Variants in CHST15 observed in about 807,000 individuals in gnomAD.
CHST15 encodes the protein carbohydrate sulfotransferase 15, also known as B cell RAG associated protein (GALNAC4S-6ST).
Under a neutral mutation model 53.6 loss-of-function variants are expected in CHST15, and 30 were observed. The ratio of observed to expected loss-of-function variants is 0.56; its 90% CI spans 0.42 to 0.76. CHST15 has a LOEUF of 0.76. Among genes scored for constraint, CHST15 ranks in the 30% least tolerant of loss-of-function variants. The probability of loss-of-function intolerance (pLI) is 0.00; values close to 1 mark genes in which losing one functional copy is unlikely to be tolerated. For missense variants in CHST15, 627 were observed against 740.5 expected (o/e 0.85, Z 1.78); for synonymous variants, 296 against 289.8 (o/e 1.02, Z -0.22).
rs758243657 is a variant in CHST15 at position 124,045,112 on chromosome 10, C to CAAAAAAAAAAAAAAAAAAA, written c.547-212_547-194dup. On this transcript the variant is annotated intron_variant, in intron 2 of 7. Transcript: ENST00000435907. The stretch of plus-strand genomic sequence containing the variant: ...TGCTTTCCTCTCCCCCGCCGCCCCA[C>CAAAAAAAAAAAAAAAAAAA]AAAAAAAAAAAAAAAAAAAAAAAAA... 1.5e-3 allele frequency among the ~76,000 whole-genome samples: 52 copies of CAAAAAAAAAAAAAAAAAAA among 33,746 alleles called. 1 individual carries two copies. Among genetic ancestry groups the CAAAAAAAAAAAAAAAAAAA allele is most frequent in the East Asian group, 3.7e-3 (3 of 806 alleles). 22.1% of individuals were successfully genotyped at this position (33,746 alleles called of 152,430 possible).
chr10:124,017,691 G>A (rs1381985492), intron 6 of CHST15, among the ~76,000 whole-genome samples: 1 of 152,192 alleles, frequency 6.6e-6, no homozygotes, highest in Admixed American at 6.5e-5. Flanking sequence ...GGGAAGCTGG[G>A]TTAAAAGGCC....
chr10:124,031,337 A>G (rs980199369), intron 5 of CHST15, among the ~76,000 whole-genome samples: 4 of 152,212 alleles, frequency 2.6e-5, no homozygotes, highest in East Asian at 1.9e-4. Context: ...GCAGGGATAT[A>G]TATGTTCTGA....
At chr10:124,063,149 G>A (rs143186496) in intron 1 of CHST15, among the ~76,000 whole-genome samples, 21 of 152,296 alleles carry the variant, frequency 1.4e-4, no homozygotes, top group African/African-American at 3.8e-4. Flanking sequence ...TTAGGAGGCC[G>A]AGGCGGGTGG....
At chr10:124,034,624 A>AT (rs1664662898) in intron 5 of CHST15, among the ~76,000 whole-genome samples, 1 of 127,424 alleles carries the variant, frequency 7.8e-6, no homozygotes, top group Non-Finnish European at 1.6e-5. Context: ...CCCTGGCTTC[A>AT]CCCCTGATAG....
chr10:124,081,708 C>T (rs193223141), intron 1 of CHST15, among the ~76,000 whole-genome samples: 372 of 152,292 alleles, frequency 2.4e-3, no homozygotes, highest in African/African-American at 8.5e-3. Flanking sequence ...GAAACATAAA[C>T]GCTGGAAGGA....
chr10:124,074,055 T>A lies in CHST15; in HGVS notation c.-513+19414A>T, dbSNP rs1389071965. On this transcript the variant is annotated intron_variant, in intron 1 of 7. Coordinates refer to ENST00000435907, the MANE Select transcript of CHST15 (RefSeq NM_001270764.2). This position sits in a 1 kb window ranked among gnomAD's most constrained non-coding sequence, Gnocchi z 4.4. ...TCAAATGGGGGCTTTAAAAGAGATA[T>A]TTTCCACATAGTCTTTTTAGCCTCT... Among the ~76,000 whole-genome samples the A allele has an allele frequency of 6.6e-6, 1 of 152,104 alleles. No individual in the cohort carries two copies. Among genetic ancestry groups the A allele is most frequent in the Non-Finnish European group, 1.5e-5 (1 of 68,008 alleles).
chr10:124,009,752 T>G lies in CHST15; in HGVS notation c.*397A>C. 1 of 1,046,838 alleles carries G rather than the reference T, an allele frequency of 9.6e-7. No individual in the cohort carries two copies. The highest frequency in any genetic ancestry group is 1.7e-5 in the African/African-American group (1 of 58,292). 64.8% of individuals were successfully genotyped at this position (1,046,838 alleles called of 1,614,324 possible). A position where few individuals can be genotyped will look rare whatever the true frequency, so the allele number is the denominator to read the frequency against. The stretch of plus-strand genomic sequence containing the variant: ...GTGAAGTGTAAGTTCCAGCCAGGCC[T>G]GTGGCATGACCTCTGGCTTGCTGAC... On this transcript the variant is annotated 3_prime_UTR_variant, in exon 8 of 8. Coordinates refer to ENST00000435907, the MANE Select transcript of CHST15 (RefSeq NM_001270764.2).
Position 124,062,767 on chromosome 10 carries a change from G to A in CHST15, c.-512-16043C>T, listed in dbSNP as rs146791122. Among the ~76,000 whole-genome samples the A allele has an allele frequency of 1.4e-4, 21 of 152,290 alleles. 1 individual carries two copies. The highest frequency in any genetic ancestry group is 9.7e-4 in the East Asian group (5 of 5,166). Reference sequence around the variant, plus strand: ...CTTTTAAAAAGGATGAAGGGAGCCCGAGGCTCTGACAGTGAAGTGGCTGGC... The same window carrying A: ...CTTTTAAAAAGGATGAAGGGAGCCCAAGGCTCTGACAGTGAAGTGGCTGGC... On this transcript the variant is annotated intron_variant, in intron 1 of 7. Transcript: ENST00000435907.
intron 1 of CHST15, among the ~76,000 whole-genome samples, chr10:124,086,051 C>A (rs1032093405): frequency 6.6e-6 from 1 of 152,192 alleles, no homozygotes; most frequent in South Asian, 2.1e-4. Flanking sequence ...CAGGCCCAGG[C>A]TAGGAGTCAA....
Position 124,044,719 on chromosome 10 carries a change from G to A in CHST15, c.747C>T (p.Arg249=). Residue 249 remains arginine, a synonymous_variant, in exon 3 of 8, where the codon CGC becomes CGT. Transcript: ENST00000435907. ...HLAHAHGKHF[R]LRCLPHFYII... ...TGTAGAAGTGCGGCAGGCAGCGCAG[G>A]CGGAAGTGCTTCCCGTGCGCGTGCG... The A allele has an allele frequency of 6.2e-7, 1 of 1,613,796 alleles. No homozygotes were observed. The highest frequency in any genetic ancestry group is 8.5e-7 in the Non-Finnish European group (1 of 1,179,910).
chr10:124,070,544 G>C (rs1021658535), intron 1 of CHST15, among the ~76,000 whole-genome samples: 2 of 151,864 alleles, frequency 1.3e-5, no homozygotes, highest in Non-Finnish European at 2.9e-5. Context: ...ATGCTCAGCT[G>C]ATTTTTTTTT....
At chr10:124,033,393 A>T (rs1947301382) in intron 5 of CHST15, among the ~76,000 whole-genome samples, 1 of 152,230 alleles carries the variant, frequency 6.6e-6, no homozygotes, top group African/African-American at 2.4e-5. Context: ...TGCAAAGCCC[A>T]GGCCCCAGTT....
chr10:124,045,127 A>AAAAAAAAAC (rs1947933210), intron 2 of CHST15, among the ~76,000 whole-genome samples: 2 of 125,076 alleles, frequency 1.6e-5, no homozygotes, highest in African/African-American at 8.5e-5. Flanking sequence ...AAAAAAAAAA[A>AAAAAAAAAC]AAAAAAAAAA....
chr10:124,008,303 A>T lies in CHST15; in HGVS notation c.*1846T>A, dbSNP rs1160583110. The T allele has an allele frequency of 8.9e-7, 1 of 1,125,158 alleles. No individual in the cohort carries two copies. The highest frequency in any genetic ancestry group is 1.6e-5 in the African/African-American group (1 of 62,030). The allele number at this position is 1,125,158 out of a possible 1,614,324, so 69.7% of individuals were successfully genotyped here. The stretch of plus-strand genomic sequence containing the variant: ...GCGGAGGAGCCTCATTAGCAACTGA[A>T]CAGAACCCACTCAGAAGACGCACTC... On this transcript the variant is annotated 3_prime_UTR_variant, in exon 8 of 8. Transcript: ENST00000435907.
Position 124,019,489 on chromosome 10 carries a change from G to A in CHST15, c.1347+1767C>T, listed in dbSNP as rs773488251. 3.9e-4 allele frequency among the ~76,000 whole-genome samples: 60 copies of A among 152,272 alleles called. No homozygotes were observed. The highest frequency in any genetic ancestry group is 6.8e-3 in the Middle Eastern group (2 of 294). ...TGTCCCCTGTGACGGTGGCCACAGA[G>A]CCATTGAGTCATTCCCCCTTTGACA... On this transcript the variant is annotated intron_variant, in intron 6 of 7. Coordinates refer to ENST00000435907, the MANE Select transcript of CHST15 (RefSeq NM_001270764.2). This position sits in a 1 kb window ranked among gnomAD's most constrained non-coding sequence, Gnocchi z 4.6.
chr10:124,009,775 G>A lies in CHST15; in HGVS notation c.*374C>T. On this transcript the variant is annotated 3_prime_UTR_variant, in exon 8 of 8. Coordinates refer to ENST00000435907, the MANE Select transcript of CHST15 (RefSeq NM_001270764.2). ...CCTGTGGCATGACCTCTGGCTTGCT[G>A]ACTCAGAACCCAGAGGCTCTCCAGA... The A allele has an allele frequency of 3.7e-6, 4 of 1,068,642 alleles. No homozygotes were observed. The South Asian group carries it at 1.2e-4, about 31-fold the overall frequency. The allele number at this position is 1,068,642 out of a possible 1,614,324, so 66.2% of individuals were successfully genotyped here.
intron 3 of CHST15, among the ~76,000 whole-genome samples, 164 bp downstream of exon 3, chr10:124,044,416 G>A (rs930462139): frequency 7.2e-5 from 11 of 152,214 alleles, no homozygotes; most frequent in African/African-American, 2.7e-4. Flanking sequence ...TGGGAACCGA[G>A]TTCCAGACCC....
At position 124,074,202 on chromosome 10, in the gene CHST15, G is replaced by C. The variant is rs925165942; in HGVS notation, c.-513+19267C>G. Reference sequence around the variant, plus strand: ...CCCAAGATCTTTCCACTTCATTTCTGCAGGGCCAGTGCCCCCCGGCTGGGA... The same window carrying C: ...CCCAAGATCTTTCCACTTCATTTCTCCAGGGCCAGTGCCCCCCGGCTGGGA... On this transcript the variant is annotated intron_variant, in intron 1 of 7. Transcript: ENST00000435907. The surrounding 1 kb of genome is among the most constrained non-coding windows in gnomAD (Gnocchi z 4.4). 6.6e-6 allele frequency among the ~76,000 whole-genome samples: 1 copy of C among 152,176 alleles called. No individual in the cohort carries two copies. The highest frequency in any genetic ancestry group is 1.5e-5 in the Non-Finnish European group (1 of 68,034).
At chr10:124,064,572 G>T (rs938765051) in intron 1 of CHST15, among the ~76,000 whole-genome samples, 14 of 152,042 alleles carry the variant, frequency 9.2e-5, no homozygotes, top group African/African-American at 3.4e-4. Flanking sequence ...CTTTGGGCAG[G>T]TCCCCCAAGC....
Sources: gnomAD v4.1 joint callset for allele counts (sites outside exome capture counted in the v4.1 genomes callset) on GRCh38, gnomAD v4.1.1 for gene constraint, Gnocchi (gnomAD v3.1) non-coding constraint, MANE v1.5 for transcripts, NCBI Gene and HGNC (gene_info 2026-07-23, HGNC 2026-07-21) for gene names.